SLC25A13: variants seen among roughly 807,000 people sequenced by gnomAD.
The protein encoded by SLC25A13 is electrogenic aspartate/glutamate antiporter SLC25A13, mitochondrial.
SLC25A13 carries 70 observed loss-of-function variants against 85.5 expected under a neutral mutation model. The observed-to-expected ratio is 0.82, with a 90% CI of 0.68 to 1.00. SLC25A13 has a LOEUF of 1.00. Among genes scored for constraint, SLC25A13 ranks in the 50% least tolerant of loss-of-function variants. SLC25A13 has a pLI of 0.00. For synonymous variants in SLC25A13, 259 were observed against 288.7 expected, an observed-to-expected ratio of 0.90 and a Z score of 1.04; for missense variants, 765 against 819.8, an observed-to-expected ratio of 0.93 and a Z score of 0.82.
At chr7:96,275,239 G>A (rs2116933129) in intron 3 of SLC25A13, among the ~76,000 whole-genome samples, 1 of 152,284 alleles carries the variant, frequency 6.6e-6, no homozygotes, top group Non-Finnish European at 1.5e-5. Flanking sequence ...GAAACAACAG[G>A]TGCTGGAGAG....
At chr7:96,281,400 A>G (rs1446038385) in intron 2 of SLC25A13, among the ~76,000 whole-genome samples, 1 of 152,058 alleles carries the variant, frequency 6.6e-6, no homozygotes, top group Non-Finnish European at 1.5e-5. Context: ...TCAAAAAAAA[A>G]AAAAAAAAAG....
Position 96,120,882 on chromosome 7 carries a change from G to A in SLC25A13, c.*309C>T. ...GGGACTACAATCCTAGTTCAAGGAGGGGAGTACTAATTTCTATTCTGACTT... is the reference window on the plus strand; with the variant it reads ...GGGACTACAATCCTAGTTCAAGGAGAGGAGTACTAATTTCTATTCTGACTT... On this transcript the variant is annotated 3_prime_UTR_variant, in exon 18 of 18. Transcript: ENST00000265631. 1 of 504,834 alleles carries A rather than the reference G, an allele frequency of 2.0e-6. No individual in the cohort carries two copies. The highest frequency in any genetic ancestry group is 1.5e-5 in the South Asian group (1 of 64,914). The allele number at this position is 504,834 out of a possible 1,614,324, so 31.3% of individuals were successfully genotyped here. A position where few individuals can be genotyped will look rare whatever the true frequency, so the allele number is the denominator to read the frequency against.
intron 5 of SLC25A13, among the ~76,000 whole-genome samples, chr7:96,204,411 A>G (rs925656065): frequency 7.2e-5 from 11 of 152,174 alleles, no homozygotes; most frequent in Non-Finnish European, 1.3e-4. Flanking sequence ...ACGGTGGCTC[A>G]TGCCTGTAAT....
Position 96,183,198 on chromosome 7 carries a change from C to A in SLC25A13, c.1177+1079G>T, listed in dbSNP as rs183736018. On this transcript the variant is annotated intron_variant, in intron 11 of 17. Transcript: ENST00000265631. ...ATCAAAAGGCCTTTGATGGGGGCTACCTACCTACACAATAGGACCTGCAAA... is the reference window on the plus strand; with the variant it reads ...ATCAAAAGGCCTTTGATGGGGGCTAACTACCTACACAATAGGACCTGCAAA... Among the ~76,000 whole-genome samples the A allele has an allele frequency of 6.6e-4, 100 of 152,276 alleles. 1 individual carries two copies. Among genetic ancestry groups the A allele is most frequent in the Non-Finnish European group, 1.2e-4 (8 of 68,028 alleles).
intron 1 of SLC25A13, among the ~76,000 whole-genome samples, chr7:96,303,259 G>A (rs1355983493): frequency 1.3e-5 from 2 of 152,060 alleles, no homozygotes; most frequent in Non-Finnish European, 2.9e-5. Flanking sequence ...GACTTACACT[G>A]AAAATTCTAC....
In SLC25A13 at chr7:96,258,985, A is replaced by T. The variant is rs181977410; in HGVS notation, c.212+18211T>A. Among the ~76,000 whole-genome samples the T allele has an allele frequency of 3.9e-3, 593 of 152,358 alleles. 3 individuals are homozygous for T. Among genetic ancestry groups the T allele is most frequent in the African/African-American group, 0.014 (569 of 41,584 alleles). ...GGGGAAAGGATTCTCTATTTAATAA[A>T]TGGTGTTGGGAAAACTGGCTAACCA... On this transcript the variant is annotated intron_variant, in intron 3 of 17. Transcript: ENST00000265631.
In SLC25A13 at chr7:96,277,197, C is replaced by G. The variant is rs769271204; in HGVS notation, c.211G>C (p.Gly71Arg). 1 of 1,575,092 alleles carries G rather than the reference C, an allele frequency of 6.3e-7. No individual in the cohort carries two copies. Among genetic ancestry groups the G allele is most frequent in the Non-Finnish European group, 8.6e-7 (1 of 1,159,248 alleles). ...LSGVVDQTKD[G>R]LISFQEFVAF... ...TAAAATAATTAAAAATAAACATACC[C>G]ATCTTTGGTCTGATCCACCACTCCA... Residue 71 changes from glycine to arginine, a missense_variant and splice_region_variant, in exon 3 of 18, where the codon GGA becomes CGA. Gly to Arg is a moderately radical substitution (Grantham distance 125). Transcript: ENST00000265631.
At chr7:96,212,809 A>G (rs1203355746) in intron 4 of SLC25A13, among the ~76,000 whole-genome samples, 1 of 152,182 alleles carries the variant, frequency 6.6e-6, no homozygotes, top group East Asian at 1.9e-4. Flanking sequence ...TATGGAAAGA[A>G]CAGTTGGCCA....
chr7:96,216,243 A>G (rs773678526), intron 4 of SLC25A13, among the ~76,000 whole-genome samples: 6 of 152,196 alleles, frequency 3.9e-5, no homozygotes, highest in Non-Finnish European at 8.8e-5. Context: ...AAAAGTCAAA[A>G]AATAACAGAT....
intron 5 of SLC25A13, 96 bp from the exon 6 acceptor site, chr7:96,193,279 G>A: frequency 6.9e-7 from 1 of 1,450,204 alleles, no homozygotes; most frequent in Non-Finnish European, 9.4e-7. Context: ...AAGAAAGAGA[G>A]TTTACATCTT....
intron 3 of SLC25A13, among the ~76,000 whole-genome samples, chr7:96,245,891 C>G (rs571737436): frequency 6.6e-6 from 1 of 152,326 alleles, no homozygotes; most frequent in South Asian, 2.1e-4. Context: ...TTTCCTAAAT[C>G]TTTCTTTGTT....
chr7:96,238,137 AAT>A (rs1796813439), intron 3 of SLC25A13, among the ~76,000 whole-genome samples: 1 of 152,248 alleles, frequency 6.6e-6, no homozygotes, highest in Non-Finnish European at 1.5e-5. Context: ...CACCTAATCC[AAT>A]ATGACTGGAG....
intron 11 of SLC25A13, among the ~76,000 whole-genome samples, chr7:96,177,551 A>G (rs1794270738): frequency 6.6e-6 from 1 of 152,140 alleles, no homozygotes; most frequent in African/African-American, 2.4e-5. Context: ...ATCTCTTTGT[A>G]TCTTAGTTTC....
chr7:96,196,615 G>A (rs529710461), intron 5 of SLC25A13, among the ~76,000 whole-genome samples: 1 of 152,306 alleles, frequency 6.6e-6, no homozygotes, highest in South Asian at 2.1e-4. Context: ...TCAAGTTGGA[G>A]TAAGAAAGTT....
chr7:96,262,178 T>A (rs1986600), intron 3 of SLC25A13, among the ~76,000 whole-genome samples: 5 of 152,168 alleles, frequency 3.3e-5, no homozygotes, highest in East Asian at 1.9e-4. Context: ...AAGCAGATTC[T>A]CAAGTAGCTA....
At chr7:96,162,471 T>G (rs1171516156) in intron 13 of SLC25A13, among the ~76,000 whole-genome samples, 1 of 152,178 alleles carries the variant, frequency 6.6e-6, no homozygotes, top group Non-Finnish European at 1.5e-5. Context: ...GCAAAGTCAT[T>G]AATATCTGGG....
chr7:96,201,279 G>T (rs1795244691), intron 5 of SLC25A13, among the ~76,000 whole-genome samples: 1 of 152,052 alleles, frequency 6.6e-6, no homozygotes, highest in African/African-American at 2.4e-5. Flanking sequence ...GGAGGGTGAG[G>T]CGAGTGGATT....
intron 4 of SLC25A13, among the ~76,000 whole-genome samples, chr7:96,216,696 G>GT (rs1178388031): frequency 6.6e-6 from 1 of 152,096 alleles, no homozygotes; most frequent in Non-Finnish European, 1.5e-5. Context: ...GAGCTAAATG[G>GT]TGAGAACACA....
chr7:96,231,450 C>T (rs930536982), intron 4 of SLC25A13, among the ~76,000 whole-genome samples: 3 of 152,094 alleles, frequency 2.0e-5, no homozygotes, highest in African/African-American at 7.2e-5. Flanking sequence ...AAAGGCCAGG[C>T]GTGGTGTCTC....
Sources: allele counts gnomAD v4.1 joint callset (sites outside exome capture counted in the v4.1 genomes callset), GRCh38; gene constraint gnomAD v4.1.1; transcripts MANE v1.5; gene names NCBI Gene and HGNC (gene_info 2026-07-23, HGNC 2026-07-21).